The following TTC28 variants were observed in gnomAD, a reference collection of about 807,000 sequenced individuals.
TTC28 encodes the protein tetratricopeptide repeat domain 28.
Under a neutral mutation model 198.0 loss-of-function variants are expected in TTC28, and 61 were observed. That is an observed-to-expected ratio of 0.31 (90% CI 0.25 to 0.38). TTC28 has a LOEUF of 0.38. Ranked by LOEUF, TTC28 falls within the 10% of genes least tolerant of loss-of-function variation. The probability of loss-of-function intolerance (pLI) is 1.00; values close to 1 mark genes in which losing one functional copy is unlikely to be tolerated. For missense variants in TTC28, 2,678 were observed against 3,164.0 expected, an observed-to-expected ratio of 0.85 and a Z score of 3.69; for synonymous variants, 1,171 against 1,297.8, an observed-to-expected ratio of 0.90 and a Z score of 2.10.
intron 2 of TTC28, among the ~76,000 whole-genome samples, chr22:28,451,571 A>G (rs1001215889): frequency 1.3e-5 from 2 of 152,196 alleles, no homozygotes; most frequent in African/African-American, 4.8e-5. Context: ...CTTTTATTCA[A>G]CATCATTTTT....
At chr22:28,010,283 G>C (rs1938096754) in intron 14 of TTC28, among the ~76,000 whole-genome samples, 1 of 152,180 alleles carries the variant, frequency 6.6e-6, no homozygotes, top group African/African-American at 2.4e-5. Flanking sequence ...TGAGGCTTAA[G>C]TCCATAACCT....
chr22:28,167,205 C>T (rs1030421577), intron 5 of TTC28, among the ~76,000 whole-genome samples: 6 of 152,288 alleles, frequency 3.9e-5, no homozygotes, highest in African/African-American at 1.4e-4. Context: ...AGAAAAGGTC[C>T]AGGACCAGAT....
intron 5 of TTC28, among the ~76,000 whole-genome samples, chr22:28,273,866 A>G (rs975522832): frequency 8.5e-5 from 13 of 152,330 alleles, no homozygotes; most frequent in African/African-American, 3.1e-4. Flanking sequence ...TACTATCTTC[A>G]ATAACAACAA....
At chr22:28,057,351 T>G (rs1382745549) in intron 12 of TTC28, among the ~76,000 whole-genome samples, 3 of 152,220 alleles carry the variant, frequency 2.0e-5, no homozygotes, top group African/African-American at 7.2e-5. Context: ...GGTATCTTCT[T>G]GTGGCTTAAA....
intron 2 of TTC28, among the ~76,000 whole-genome samples, chr22:28,421,151 T>G (rs1353980220): frequency 6.6e-6 from 1 of 152,190 alleles, no homozygotes; most frequent in African/African-American, 2.4e-5. Context: ...ACTTTAAGTA[T>G]TTCTTTCTAC....
intron 2 of TTC28, among the ~76,000 whole-genome samples, chr22:28,629,168 G>T (rs536145082): frequency 6.6e-6 from 1 of 152,186 alleles, no homozygotes; most frequent in Non-Finnish European, 1.5e-5. Flanking sequence ...AACAGTCATT[G>T]ACAGAGAATG....
At chr22:28,632,253 CTTTTTTTT>C (rs765447917) in intron 1 of TTC28, among the ~76,000 whole-genome samples, 28 of 49,690 alleles carry the variant, frequency 5.6e-4, no homozygotes, top group Admixed American at 1.1e-3. Context: ...TTATATTCAA[CTTTTTTTT>C]TTTTTTTTTT....
intron 14 of TTC28, chr22:28,002,226 A>C (rs1937730134): frequency 1.3e-5 from 2 of 152,852 alleles, no homozygotes; most frequent in Non-Finnish European, 2.9e-5. Flanking sequence ...GAACAAGGCT[A>C]AGGGCGCGGG....
intron 5 of TTC28, among the ~76,000 whole-genome samples, chr22:28,295,971 G>A (rs181813947): frequency 1.8e-4 from 27 of 152,196 alleles, no homozygotes; most frequent in East Asian, 1.4e-3. Context: ...CTGTTAGATC[G>A]TGAGGTCAAG....
chr22:28,332,407 C>A (rs1195197448), intron 2 of TTC28, among the ~76,000 whole-genome samples: 1 of 151,330 alleles, frequency 6.6e-6, no homozygotes, highest in Non-Finnish European at 1.5e-5. Flanking sequence ...ACATTAAAAG[C>A]CCTTGAAAAA....
intron 2 of TTC28, among the ~76,000 whole-genome samples, chr22:28,433,783 G>T (rs573167565): frequency 1.1e-3 from 165 of 152,140 alleles, no homozygotes; most frequent in African/African-American, 3.7e-3. Flanking sequence ...TGTATTGTGT[G>T]TGTTTGTTTG....
chr22:28,379,025 TAC>T (rs1235401946), intron 2 of TTC28, among the ~76,000 whole-genome samples: 1 of 151,818 alleles, frequency 6.6e-6, no homozygotes, highest in Non-Finnish European at 1.5e-5. Context: ...CAGAAAAAAA[TAC>T]AGATTTTACA....
At chr22:28,528,003 C>T (rs1372853260) in intron 2 of TTC28, among the ~76,000 whole-genome samples, 2 of 152,124 alleles carry the variant, frequency 1.3e-5, no homozygotes, top group African/African-American at 2.4e-5. Flanking sequence ...TCTCATAAAG[C>T]AAACAGCCCC....
intron 6 of TTC28, among the ~76,000 whole-genome samples, chr22:28,145,633 A>G (rs1386817737): frequency 2.0e-5 from 3 of 152,248 alleles, no homozygotes; most frequent in Non-Finnish European, 2.9e-5. Flanking sequence ...ATCAAATAAC[A>G]ACATGTACTT....
chr22:28,616,708 G>A (rs759412768), intron 2 of TTC28, among the ~76,000 whole-genome samples: 18 of 152,000 alleles, frequency 1.2e-4, no homozygotes, highest in Non-Finnish European at 2.1e-4. Flanking sequence ...AAAATTAGTC[G>A]TAGTGGCATG....
chr22:28,304,054 GGT>G (rs1255152807), intron 3 of TTC28, among the ~76,000 whole-genome samples: 2 of 152,278 alleles, frequency 1.3e-5, no homozygotes, highest in Non-Finnish European at 2.9e-5. Context: ...GGGAGGCCAA[GGT>G]GGGAGGATCA....
intron 2 of TTC28, among the ~76,000 whole-genome samples, chr22:28,329,646 C>T (rs879438306): frequency 3.9e-5 from 6 of 152,124 alleles, no homozygotes; most frequent in Non-Finnish European, 4.4e-5. Context: ...ATGTTCTGTG[C>T]CAGGGACTCA....
At chr22:28,085,654 C>T (rs1241286055) in intron 12 of TTC28, among the ~76,000 whole-genome samples, 1 of 152,024 alleles carries the variant, frequency 6.6e-6, no homozygotes, top group Non-Finnish European at 1.5e-5. Flanking sequence ...CAAATTCACA[C>T]ATAACAATAT....
At chr22:27,998,262 A>G in intron 16 of TTC28, 1 of 534,286 alleles carries the variant, frequency 1.9e-6, no homozygotes, top group East Asian at 3.2e-5. Context: ...GGTGCCATGG[A>G]ATGGGTCATC....
Sources: allele counts gnomAD v4.1 joint callset (sites outside exome capture counted in the v4.1 genomes callset), GRCh38; gene constraint gnomAD v4.1.1; transcripts MANE v1.5; gene names NCBI Gene and HGNC (gene_info 2026-07-23, HGNC 2026-07-21).